The following NT5DC4 variants were observed in gnomAD, a reference collection of about 807,000 sequenced individuals.
The protein encoded by NT5DC4 is 5'-nucleotidase domain containing 4, also known as 5'-nucleotidase domain-containing protein 4.
NT5DC4 carries 44 observed loss-of-function variants against 26.6 expected under a neutral mutation model. That is an observed-to-expected ratio of 1.65 (90% CI 1.30 to 2.13). NT5DC4 has a LOEUF of 2.13. NT5DC4 is among the 30% of genes most tolerant of loss of function. The pLI is 0.00. For synonymous variants in NT5DC4, 157 were observed against 86.7 expected, an observed-to-expected ratio of 1.81 and a Z score of -4.51; for missense variants, 399 against 228.1, an observed-to-expected ratio of 1.75 and a Z score of -4.83.
At chr2:112,726,879 C>G in intron 15 of NT5DC4, 141 bp downstream of exon 15, 1 of 664,018 alleles carries the variant, frequency 1.5e-6, no homozygotes, top group East Asian at 2.7e-5. Flanking sequence ...TGGGCTCCAC[C>G]TGCCTTGTCA....
chr2:112,721,322 A>G (rs750151140), intron 1 of NT5DC4, among the ~76,000 whole-genome samples, 169 bp downstream of exon 1: 1 of 152,188 alleles, frequency 6.6e-6, no homozygotes, highest in Non-Finnish European at 1.5e-5. Context: ...ACAACCCATC[A>G]GGGAACTGAC....
chr2:112,720,355 T>C (rs920553655), upstream of NT5DC4, among the ~76,000 whole-genome samples: 8 of 152,228 alleles, frequency 5.3e-5, no homozygotes, highest in East Asian at 1.4e-3. Context: ...TGAGCCACTG[T>C]GCCCAGCCTT....
At chr2:112,719,977 T>TTCC (rs1676732711), upstream of NT5DC4, among the ~76,000 whole-genome samples, 1 of 126,496 alleles carries the variant, frequency 7.9e-6, no homozygotes, top group African/African-American at 3.4e-5. Flanking sequence ...TTTCTTTCTT[T>TTCC]CTTTCTTTCT....
downstream of NT5DC4, chr2:112,739,107 ATT>A (rs1431905975): frequency 6.1e-6 from 8 of 1,318,346 alleles, no homozygotes; most frequent in East Asian, 1.0e-4. Context: ...TATCTTTATT[ATT>A]TTTTGTTTCT....
upstream of NT5DC4, among the ~76,000 whole-genome samples, chr2:112,720,500 A>G (rs887695547): frequency 1.3e-5 from 2 of 152,134 alleles, no homozygotes; most frequent in African/African-American, 4.8e-5. Context: ...TTAGAACTCT[A>G]CACTAAATGG....
Position 112,722,286 on chromosome 2 carries a change from A to C in NT5DC4, c.362+8A>C, listed in dbSNP as rs1299515030. ...CTTCACCTTCCTCTCGGAGTAAGGGACAAAGGTGCCGGGAGAGTGGCAGGC... is the reference window on the plus strand; with the variant it reads ...CTTCACCTTCCTCTCGGAGTAAGGGCCAAAGGTGCCGGGAGAGTGGCAGGC... On this transcript the variant is annotated splice_region_variant and intron_variant, in intron 4 of 16. Coordinates refer to ENST00000688554, the MANE Select transcript of NT5DC4 (RefSeq NM_001393655.1). The C allele has an allele frequency of 2.8e-6, 2 of 717,022 alleles. No individual in the cohort carries two copies. The highest frequency in any genetic ancestry group is 3.5e-5 in the African/African-American group (2 of 57,382). 44.4% of individuals were successfully genotyped at this position (717,022 alleles called of 1,614,324 possible). A position where few individuals can be genotyped will look rare whatever the true frequency, so the allele number is the denominator to read the frequency against.
At position 112,723,168 on chromosome 2, in the gene NT5DC4, C is replaced by A; in HGVS notation, c.615C>A (p.His205Gln). The part of the protein sequence containing the change: ...QDVTDAMNNI[H>Q]QSGCLKKTLE... Reference sequence around the variant, plus strand: ...TGACTGATGCCATGAATAACATCCACCAGTCGGTGAGTGAGTGGTCCAGAA... The same window carrying A: ...TGACTGATGCCATGAATAACATCCAACAGTCGGTGAGTGAGTGGTCCAGAA... Residue 205 changes from histidine to glutamine, a missense_variant, in exon 7 of 17, where the codon CAC becomes CAA. Coordinates refer to ENST00000688554, the MANE Select transcript of NT5DC4 (RefSeq NM_001393655.1). 1.4e-6 allele frequency: 1 copy of A among 717,382 alleles called. No homozygotes were observed. 44.4% of individuals were successfully genotyped at this position (717,382 alleles called of 1,614,324 possible).
At chr2:112,738,561 T>C in intron 16 of NT5DC4, 1 of 440,794 alleles carries the variant, frequency 2.3e-6, no homozygotes, top group Non-Finnish European at 4.1e-6. Context: ...AGTATAAATA[T>C]TTATCATAGT....
Position 112,739,084 on chromosome 2 carries a change from C to T in NT5DC4, c.*148C>T, listed in dbSNP as rs1203556089. 1.4e-6 allele frequency: 2 copies of T among 1,468,892 alleles called. No individual in the cohort carries two copies. Among genetic ancestry groups the T allele is most frequent in the East Asian group, 4.6e-5 (2 of 43,918 alleles). The allele number at this position is 1,468,892 out of a possible 1,614,324, so 91.0% of individuals were successfully genotyped here. ...GCAAGAGATGCATTAAAAACCTTAT[C>T]ATTTAAAAAAATTATCTTTATTATT... On this transcript the variant is annotated 3_prime_UTR_variant, in exon 17 of 17. Transcript: ENST00000688554.
chr2:112,723,499 A>G, intron 8 of NT5DC4, 31 bp downstream of exon 8: 1 of 716,338 alleles, frequency 1.4e-6, no homozygotes, highest in South Asian at 1.5e-5. Flanking sequence ...GGCCATGGCC[A>G]TCACCCCCAA....
chr2:112,720,009 TTTCCC>T (rs1676747550), upstream of NT5DC4, among the ~76,000 whole-genome samples: 1 of 123,064 alleles, frequency 8.1e-6, no homozygotes, highest in Non-Finnish European at 1.6e-5. Flanking sequence ...TTTCTTTTCT[TTTCCC>T]TTCCTTCCTT....
rs547177277 is a variant in NT5DC4, at chr2:112,736,111, G to A, written c.1345-2802G>A. Among the ~76,000 whole-genome samples, 5 of 152,194 alleles carry A rather than the reference G, an allele frequency of 3.3e-5. No homozygotes were observed. In the East Asian group the frequency reaches 9.7e-4, roughly 29 times the overall value. ...ACTCTAGAAGCCAGAAAAAAAGTAA[G>A]TGCACAAGCAATGGATGGCACTGCA... On this transcript the variant is annotated intron_variant, in intron 16 of 16. Transcript: ENST00000688554.
chr2:112,725,085 T>C, intron 11 of NT5DC4, 89 bp from the exon 12 acceptor site: 1 of 660,614 alleles, frequency 1.5e-6, no homozygotes, highest in Admixed American at 2.2e-5. Context: ...CATGGTTACC[T>C]CTGCCACTCC....
At chr2:112,723,533 C>T (rs1410207190) in intron 8 of NT5DC4, 65 bp downstream of exon 8, 1 of 709,048 alleles carries the variant, frequency 1.4e-6, no homozygotes, top group Non-Finnish European at 2.6e-6. Context: ...CCCCCGCAAC[C>T]CTTCTCTGGC....
At chr2:112,725,882 GAAGGTACACACCTTCC>G (rs144044742) in intron 13 of NT5DC4, among the ~76,000 whole-genome samples, 9,273 of 145,778 alleles carry the variant, frequency 0.064, 646 homozygotes, top group African/African-American at 0.16. Flanking sequence ...TCAGTGAGTG[GAAGGTACACACCTTCC>G]ACCCAGGTAT....
In NT5DC4 at chr2:112,729,623, A is replaced by T. The variant is rs1353853592; in HGVS notation, c.1267-4A>T. 1 of 717,754 alleles carries T rather than the reference A, an allele frequency of 1.4e-6. No individual in the cohort carries two copies. Among genetic ancestry groups the T allele is most frequent in the Non-Finnish European group, 2.6e-6 (1 of 385,172 alleles). The allele number at this position is 717,754 out of a possible 1,614,324, so 44.5% of individuals were successfully genotyped here. Reference sequence around the variant, plus strand: ...TTCACCTCCACCTGCATTTATCCCTACAGATGCCACATGAGTCAGTTGTGG... The same window carrying T: ...TTCACCTCCACCTGCATTTATCCCTTCAGATGCCACATGAGTCAGTTGTGG... On this transcript the variant is annotated splice_polypyrimidine_tract_variant and splice_region_variant and intron_variant, in intron 15 of 16. Coordinates refer to ENST00000688554, the MANE Select transcript of NT5DC4 (RefSeq NM_001393655.1).
In NT5DC4 at chr2:112,729,064, C is replaced by G. The variant is rs573494971; in HGVS notation, c.1267-563C>G. Among the ~76,000 whole-genome samples, 24 of 152,310 alleles carry G rather than the reference C, an allele frequency of 1.6e-4. No individual in the cohort carries two copies. In the South Asian group the frequency reaches 4.8e-3, roughly 30 times the overall value. On this transcript the variant is annotated intron_variant, in intron 15 of 16. Transcript: ENST00000688554. ...AGACAGGTGAAGAACACACCAACCC[C>G]CCATCCCCAAAAGTGACAAGGCGAA... is the stretch of plus-strand genomic sequence containing the variant.
Position 112,725,034 on chromosome 2 carries a change from G to T in NT5DC4, c.915+128G>T, listed in dbSNP as rs972206093. 10 of 650,228 alleles carry T rather than the reference G, an allele frequency of 1.5e-5. No homozygotes were observed. The East Asian group carries it at 2.7e-4, about 18-fold the overall frequency. 40.3% of individuals were successfully genotyped at this position (650,228 alleles called of 1,614,324 possible). On this transcript the variant is annotated intron_variant, in intron 11 of 16. Transcript: ENST00000688554. ...CCCTGGAGGCAGGGAACCCGAGGCC[G>T]CCTTCAGCGCCCTCTGCTGCCTCCT... is the stretch of plus-strand genomic sequence containing the variant.
At chr2:112,720,899 C>G (rs1297788773), upstream of NT5DC4, among the ~76,000 whole-genome samples, 2 of 152,182 alleles carry the variant, frequency 1.3e-5, no homozygotes, top group Non-Finnish European at 2.9e-5. Context: ...GATGGGATAC[C>G]AGAGCCTGTC....
Sources: allele counts gnomAD v4.1 joint callset (sites outside exome capture counted in the v4.1 genomes callset), GRCh38; gene constraint gnomAD v4.1.1; transcripts MANE v1.5; gene names NCBI Gene and HGNC (gene_info 2026-07-23, HGNC 2026-07-21).